The following TIAM1 variants were observed in gnomAD, a reference collection of about 807,000 sequenced individuals.
The protein encoded by TIAM1 is rho guanine nucleotide exchange factor TIAM1.
Under a neutral mutation model 163.5 loss-of-function variants are expected in TIAM1, and 65 were observed. That is an observed-to-expected ratio of 0.40 (90% CI 0.33 to 0.49). The LOEUF is 0.49. TIAM1 is among the 20% of genes least tolerant of loss of function. The pLI is 0.77. For missense variants in TIAM1, 1,789 were observed against 2,044.7 expected (o/e 0.87, Z 2.41); for synonymous variants, 833 against 810.1 (o/e 1.03, Z -0.48).
chr21:31,509,559 G>A lies in TIAM1; in HGVS notation c.-421-45524C>T, dbSNP rs565067537. Among the ~76,000 whole-genome samples the A allele has an allele frequency of 3.3e-4, 51 of 152,244 alleles. 1 individual carries two copies. The highest frequency in any genetic ancestry group is 9.8e-4 in the Admixed American group (15 of 15,292). ...AGGCAGGAAGTAAAAATAACCAGCCGTTTCATAGCATGTCTCATGCCTCAT... is the reference window on the plus strand; with the variant it reads ...AGGCAGGAAGTAAAAATAACCAGCCATTTCATAGCATGTCTCATGCCTCAT... On this transcript the variant is annotated intron_variant, in intron 1 of 28. Coordinates refer to the TIAM1 transcript ENST00000286827.
intron 6 of TIAM1, among the ~76,000 whole-genome samples, chr21:31,228,257 A>AGG (rs2088175567): frequency 1.6e-5 from 2 of 123,234 alleles, no homozygotes. Context: ...AAAAAAAAAA[A>AGG]AAGGAAGGAA....
chr21:31,120,391 T>A lies in TIAM1; in HGVS notation c.4753A>T (p.Arg1585Trp). ...AGTCAGATCTCAGTGTTCAGTTTCCTGGAGGGGGCAAAGTCTTCACGCCTA... is the reference window on the plus strand; with the variant it reads ...AGTCAGATCTCAGTGTTCAGTTTCCAGGAGGGGGCAAAGTCTTCACGCCTA... ...WVRREDFAPS[R>W]KLNTEI is the part of the protein sequence containing the mutation. The change falls in exon 28 of 28, where the codon AGG becomes TGG. Residue 1585 changes from arginine to tryptophan, a missense_variant. Arg to Trp is a moderately radical substitution (Grantham distance 101). Around this residue, in one of 5 missense-constraint regions of TIAM1, gnomAD observed 415 missense variants for 439.2 expected, o/e 0.94. Coordinates refer to ENST00000541036, the MANE Select transcript of TIAM1 (RefSeq NM_001353694.2). The surrounding 1 kb of genome is among the most constrained non-coding windows in gnomAD (Gnocchi z 4.2). The A allele has an allele frequency of 2.5e-6, 4 of 1,611,214 alleles. No homozygotes were observed. The highest frequency in any genetic ancestry group is 3.4e-6 in the Non-Finnish European group (4 of 1,178,310).
At chr21:31,533,328 G>A (rs1291184458) in intron 1 of TIAM1, among the ~76,000 whole-genome samples, 1 of 152,076 alleles carries the variant, frequency 6.6e-6, no homozygotes, top group Admixed American at 6.5e-5. Flanking sequence ...CTCAAAAACA[G>A]TAATAATAAA....
rs567629361 is a variant in TIAM1, at chr21:31,249,608, C to T, written c.1411+2134G>A. On this transcript the variant is annotated intron_variant, in intron 5 of 27. Transcript: ENST00000541036. ...GGCTGCTAAGGATAAGAGGCTGCAGCGTCCAGAGGTGTGCCCATCTAGGGG... is the reference window on the plus strand; with the variant it reads ...GGCTGCTAAGGATAAGAGGCTGCAGTGTCCAGAGGTGTGCCCATCTAGGGG... 2.6e-5 allele frequency among the ~76,000 whole-genome samples: 4 copies of T among 152,208 alleles called. No individual in the cohort carries two copies. The South Asian group carries it at 8.3e-4, about 32-fold the overall frequency.
chr21:31,168,721 A>G (rs1213540464), intron 15 of TIAM1, among the ~76,000 whole-genome samples: 1 of 152,122 alleles, frequency 6.6e-6, no homozygotes, highest in African/African-American at 2.4e-5. Flanking sequence ...TAATCATAGG[A>G]CTGACTTCAT....
At chr21:31,459,274 G>C (rs948544203) in intron 2 of TIAM1, among the ~76,000 whole-genome samples, 2 of 152,110 alleles carry the variant, frequency 1.3e-5, no homozygotes, top group Non-Finnish European at 1.5e-5. Flanking sequence ...ACCATGCCCA[G>C]TTAATTTTTT....
intron 10 of TIAM1, among the ~76,000 whole-genome samples, chr21:31,210,888 TACA>T (rs1298601484): frequency 1.3e-5 from 2 of 152,098 alleles, no homozygotes; most frequent in African/African-American, 4.8e-5. Flanking sequence ...AGGGAATTCC[TACA>T]ACAAGCACAT....
At chr21:31,510,521 C>G (rs1452504261) in intron 1 of TIAM1, among the ~76,000 whole-genome samples, 4 of 152,160 alleles carry the variant, frequency 2.6e-5, no homozygotes, top group Admixed American at 2.0e-4. Flanking sequence ...CAGCCCATAA[C>G]AGACCTCATT....
At chr21:31,214,074 T>C (rs559353877) in intron 9 of TIAM1, among the ~76,000 whole-genome samples, 2 of 151,790 alleles carry the variant, frequency 1.3e-5, no homozygotes, top group Non-Finnish European at 2.9e-5. Context: ...TCTGCAATCC[T>C]AGTACTTTGG....
intron 6 of TIAM1, among the ~76,000 whole-genome samples, chr21:31,242,838 G>A (rs2071255353): frequency 6.8e-6 from 1 of 147,088 alleles, no homozygotes; most frequent in Non-Finnish European, 1.5e-5. Flanking sequence ...TGCAGCCTGG[G>A]GGACAGAACA....
chr21:31,491,005 A>G (rs1207909473), intron 1 of TIAM1, among the ~76,000 whole-genome samples: 1 of 152,180 alleles, frequency 6.6e-6, no homozygotes, highest in Non-Finnish European at 1.5e-5. Context: ...CGTGCCTGTA[A>G]TCCCAACTAC....
At chr21:31,553,887 G>A (rs2048779652) in intron 1 of TIAM1, among the ~76,000 whole-genome samples, 1 of 152,104 alleles carries the variant, frequency 6.6e-6, no homozygotes, top group Admixed American at 6.6e-5. Context: ...CCCTAGCGAA[G>A]AGGATTCCAA....
At chr21:31,410,093 GTGTGTGTGTGAGGT>G (rs1396798239) in intron 2 of TIAM1, among the ~76,000 whole-genome samples, 1 of 141,000 alleles carries the variant, frequency 7.1e-6, no homozygotes, top group Non-Finnish European at 1.5e-5. Flanking sequence ...AGCAGTGTGT[GTGTGTGTGTGAGGT>G]TGTGTGTGTG....
At chr21:31,308,248 C>T (rs921061068) in intron 2 of TIAM1, among the ~76,000 whole-genome samples, 17 of 152,038 alleles carry the variant, frequency 1.1e-4, no homozygotes, top group African/African-American at 4.1e-4. Context: ...GAAATGTCAT[C>T]TCAAAACAAA....
chr21:31,382,933 A>G (rs2076802556), intron 2 of TIAM1, among the ~76,000 whole-genome samples: 1 of 152,162 alleles, frequency 6.6e-6, no homozygotes, highest in Non-Finnish European at 1.5e-5. Flanking sequence ...AATATTATCA[A>G]TATCTTTTAG....
chr21:31,300,294 A>G (rs954381647), intron 2 of TIAM1, among the ~76,000 whole-genome samples: 2 of 152,318 alleles, frequency 1.3e-5, no homozygotes, highest in Middle Eastern at 3.4e-3. Context: ...CGGTGAGCCA[A>G]TTAAACCTCT....
intron 2 of TIAM1, among the ~76,000 whole-genome samples, chr21:31,438,364 G>C (rs111745086): frequency 1.3e-5 from 2 of 151,608 alleles, no homozygotes; most frequent in Middle Eastern, 6.3e-3. Context: ...GCTAATTTTT[G>C]TATTTTTAGT....
intron 1 of TIAM1, among the ~76,000 whole-genome samples, chr21:31,514,867 C>T (rs2047329840): frequency 2.0e-5 from 3 of 152,192 alleles, no homozygotes; most frequent in Admixed American, 2.0e-4. Context: ...GGTGGAACCA[C>T]GGGACAAAGC....
chr21:31,490,443 A>C (rs1327655939), intron 1 of TIAM1, among the ~76,000 whole-genome samples: 2 of 91,612 alleles, frequency 2.2e-5, no homozygotes, highest in Non-Finnish European at 5.0e-5. Context: ...GCCTTTACAT[A>C]ATAATAATAA....
Sources: allele counts gnomAD v4.1 joint callset (sites outside exome capture counted in the v4.1 genomes callset), GRCh38; gene constraint gnomAD v4.1.1; regional missense constraint gnomAD v4.1.1; non-coding constraint Gnocchi (gnomAD v3.1); transcripts MANE v1.5; gene names NCBI Gene and HGNC (gene_info 2026-07-23, HGNC 2026-07-21).